FAM227A: variants seen among roughly 807,000 people sequenced by gnomAD.
FAM227A encodes the protein protein FAM227A.
Under a neutral mutation model 74.7 loss-of-function variants are expected in FAM227A, and 80 were observed. That is an observed-to-expected ratio of 1.07 (90% CI 0.89 to 1.29). The LOEUF is 1.29. Among genes scored for constraint, FAM227A ranks in the 50% most tolerant of loss-of-function variants. The pLI is 0.00. For synonymous variants in FAM227A, 237 were observed against 241.8 expected, an observed-to-expected ratio of 0.98 and a Z score of 0.19; for missense variants, 654 against 683.4, an observed-to-expected ratio of 0.96 and a Z score of 0.48.
In FAM227A at chr22:38,626,161, GAA is replaced by G. The variant is rs1251188460; in HGVS notation, c.850+17_850+18del. The G allele has an allele frequency of 2.6e-6, 4 of 1,549,186 alleles. No individual in the cohort carries two copies. Among genetic ancestry groups the G allele is most frequent in the Non-Finnish European group, 2.6e-6 (3 of 1,146,202 alleles). ...TTTTCTAGAATCGCTTTCCCCGGTG[GAA>G]AAAAGTCACCTCTCACCTGAAATCC... On this transcript the variant is annotated intron_variant, in intron 9 of 16. Coordinates refer to ENST00000535113, the MANE Select transcript of FAM227A (RefSeq NM_001013647.2).
chr22:38,607,690 G>A (rs2091314758), intron 11 of FAM227A, among the ~76,000 whole-genome samples: 1 of 152,184 alleles, frequency 6.6e-6, no homozygotes, highest in African/African-American at 2.4e-5. Flanking sequence ...ATGGGCTGGG[G>A]ACCCAGGGCA....
chr22:38,607,564 A>T, intron 11 of FAM227A, 88 bp from the exon 12 acceptor site: 1 of 869,426 alleles, frequency 1.2e-6, no homozygotes, highest in South Asian at 1.5e-5. Context: ...ACAAAAAAGT[A>T]ATACATGCAA....
In FAM227A at chr22:38,655,515, T is replaced by TA. The variant is rs998889402; in HGVS notation, c.-95+604dup. On this transcript the variant is annotated intron_variant, in intron 1 of 16. Coordinates refer to ENST00000535113, the MANE Select transcript of FAM227A (RefSeq NM_001013647.2). ...TGGGCAACAGAGTGAGACTCTGTCTTAAAAAAAAAAAAAATTAAATTTTTA... is the reference window on the plus strand; with the variant it reads ...TGGGCAACAGAGTGAGACTCTGTCTTAAAAAAAAAAAAAAATTAAATTTTTA... Among the ~76,000 whole-genome samples the TA allele has an allele frequency of 1.7e-3, 251 of 144,250 alleles. 1 individual carries two copies. The highest frequency in any genetic ancestry group is 6.4e-3 in the South Asian group (29 of 4,540). 94.6% of individuals were successfully genotyped at this position (144,250 alleles called of 152,430 possible).
At chr22:38,600,603 G>A (rs2091152428) in intron 13 of FAM227A, among the ~76,000 whole-genome samples, 1 of 151,810 alleles carries the variant, frequency 6.6e-6, no homozygotes, top group African/African-American at 2.4e-5. Context: ...CTCCCAAAGT[G>A]CTTGGATTAT....
intron 11 of FAM227A, 117 bp downstream of exon 11, chr22:38,620,095 G>A: frequency 1.4e-6 from 1 of 698,176 alleles, no homozygotes; most frequent in Non-Finnish European, 2.5e-6. Context: ...GAGTGGACCT[G>A]GGCAAGGGGT....
rs1569223622 is a variant in FAM227A at position 38,628,955 on chromosome 22, A to T, written c.520-20T>A. The T allele has an allele frequency of 7.5e-7, 1 of 1,341,224 alleles. No individual in the cohort carries two copies. The highest frequency in any genetic ancestry group is 1.0e-6 in the Non-Finnish European group (1 of 976,952). The allele number at this position is 1,341,224 out of a possible 1,614,324, so 83.1% of individuals were successfully genotyped here. ...GAAATGCTTGGAAAAAAAAATTCAC[A>T]GTATTATTATTGTTGTTATCTTTTT... On this transcript the variant is annotated intron_variant, in intron 6 of 16. Transcript: ENST00000535113.
rs186442457 is a variant in FAM227A at position 38,608,214 on chromosome 22, G to T, written c.1039-738C>A. Among the ~76,000 whole-genome samples the T allele has an allele frequency of 1.4e-3, 219 of 151,482 alleles. 2 individuals are homozygous for T. Among genetic ancestry groups the T allele is most frequent in the Admixed American group, 0.014 (216 of 15,208 alleles). On this transcript the variant is annotated intron_variant, in intron 11 of 16. Transcript: ENST00000535113. ...ACGCTGGTGTGCACCTGTAGTCCCA[G>T]CTACTTGGGAGGCTGAGGTGGGAGG... is the stretch of plus-strand genomic sequence containing the variant.
intron 11 of FAM227A, among the ~76,000 whole-genome samples, chr22:38,615,041 G>A (rs2091545951): frequency 6.6e-6 from 1 of 152,150 alleles, no homozygotes; most frequent in African/African-American, 2.4e-5. Flanking sequence ...GGAGGTAAAA[G>A]AGATAGAACA....
chr22:38,644,258 G>A (rs997243875), intron 3 of FAM227A, among the ~76,000 whole-genome samples: 1 of 152,176 alleles, frequency 6.6e-6, no homozygotes, highest in East Asian at 1.9e-4. Context: ...TGGCATTATG[G>A]GAAAGGTAAA....
chr22:38,607,176 C>CAAAA (rs528873313), intron 12 of FAM227A, among the ~76,000 whole-genome samples: 14 of 55,498 alleles, frequency 2.5e-4, no homozygotes, highest in East Asian at 4.6e-4. Flanking sequence ...GACTTCATCT[C>CAAAA]AAAAAAAAAA....
chr22:38,642,155 T>C (rs960016580), intron 3 of FAM227A, among the ~76,000 whole-genome samples: 2 of 152,186 alleles, frequency 1.3e-5, no homozygotes, highest in African/African-American at 4.8e-5. Context: ...TCAACAACTC[T>C]TCTTAGATCA....
chr22:38,611,761 T>C (rs2146288730), intron 11 of FAM227A, among the ~76,000 whole-genome samples: 1 of 152,286 alleles, frequency 6.6e-6, no homozygotes, highest in Non-Finnish European at 1.5e-5. Context: ...ATATTTTGGC[T>C]TGGGTAGAAA....
chr22:38,637,404 T>C (rs2092028941), intron 5 of FAM227A, among the ~76,000 whole-genome samples: 1 of 152,244 alleles, frequency 6.6e-6, no homozygotes, highest in African/African-American at 2.4e-5. Context: ...AATGCTAATA[T>C]TGGATATTAC....
chr22:38,634,221 CA>C (rs34039010), intron 6 of FAM227A, among the ~76,000 whole-genome samples: 4,761 of 62,064 alleles, frequency 0.077, 46 homozygotes, highest in African/African-American at 0.17. Context: ...GACTCTGTCT[CA>C]AAAAAAAAAA....
chr22:38,620,468 A>G (rs2091663954), intron 10 of FAM227A, among the ~76,000 whole-genome samples, 177 bp from the exon 11 acceptor site: 1 of 152,098 alleles, frequency 6.6e-6, no homozygotes, highest in Admixed American at 6.6e-5. Context: ...TAGACTGTGA[A>G]CACTATCTCC....
intron 5 of FAM227A, among the ~76,000 whole-genome samples, chr22:38,637,813 T>A (rs2092035781): frequency 6.6e-6 from 1 of 152,220 alleles, no homozygotes. Context: ...AAGAACAACA[T>A]ACTGTTTCAG....
At chr22:38,604,933 A>G (rs971828999) in intron 13 of FAM227A, among the ~76,000 whole-genome samples, 1 of 152,078 alleles carries the variant, frequency 6.6e-6, no homozygotes, top group African/African-American at 2.4e-5. Context: ...GATTACAGGC[A>G]TGAACCACTG....
intron 6 of FAM227A, among the ~76,000 whole-genome samples, chr22:38,629,418 C>T (rs971989632): frequency 6.6e-6 from 1 of 152,216 alleles, no homozygotes; most frequent in Admixed American, 6.5e-5. Flanking sequence ...TCACCCTTGC[C>T]CTGGCTCCAA....
chr22:38,600,945 C>T (rs1445702142), intron 13 of FAM227A, among the ~76,000 whole-genome samples: 2 of 141,560 alleles, frequency 1.4e-5, no homozygotes, highest in Non-Finnish European at 3.0e-5. Flanking sequence ...AGTGAGACTC[C>T]GTCTCAAAAA....
Sources: gnomAD v4.1 joint callset for allele counts (sites outside exome capture counted in the v4.1 genomes callset) on GRCh38, gnomAD v4.1.1 for gene constraint, MANE v1.5 for transcripts, NCBI Gene and HGNC (gene_info 2026-07-23, HGNC 2026-07-21) for gene names.